The following POU2F2 variants were observed in gnomAD, a reference collection of about 807,000 sequenced individuals.
The protein encoded by POU2F2 is POU domain, class 2, transcription factor 2.
POU2F2 carries 14 observed loss-of-function variants against 63.5 expected under a neutral mutation model. The ratio of observed to expected loss-of-function variants is 0.22; its 90% CI spans 0.15 to 0.34. The LOEUF (loss-of-function observed/expected upper bound fraction) is 0.34, where lower values mean the gene tolerates loss of function less well. Ranked by LOEUF, POU2F2 falls within the 10% of genes least tolerant of loss-of-function variation. The probability of loss-of-function intolerance (pLI) is 1.00; values close to 1 mark genes in which losing one functional copy is unlikely to be tolerated. For synonymous variants in POU2F2, 306 were observed against 348.6 expected (o/e 0.88, Z 1.36); for missense variants, 607 against 815.2 (o/e 0.74, Z 3.11).
intron 1 of POU2F2, among the ~76,000 whole-genome samples, chr19:42,168,329 T>C (rs2034692969): frequency 6.6e-6 from 1 of 152,128 alleles, no homozygotes; most frequent in African/African-American, 2.4e-5. Flanking sequence ...AACTGTTTTG[T>C]GGTTATGTGG....
At chr19:42,149,983 A>G (rs2146769554) in intron 2 of POU2F2, among the ~76,000 whole-genome samples, 1 of 152,284 alleles carries the variant, frequency 6.6e-6, no homozygotes, top group East Asian at 1.9e-4. Context: ...TGGGGGACTG[A>G]GAGCTGAAGT....
chr19:42,139,774 A>C (rs1053569931), intron 2 of POU2F2, among the ~76,000 whole-genome samples: 5 of 152,178 alleles, frequency 3.3e-5, no homozygotes, highest in Non-Finnish European at 7.3e-5. Context: ...GAAAGAAACA[A>C]GAACGGGTGA....
chr19:42,157,222 A>G (rs1161970835), intron 2 of POU2F2: 1 of 152,110 alleles, frequency 6.6e-6, no homozygotes, highest in Non-Finnish European at 1.5e-5. Flanking sequence ...CTTCCCATCC[A>G]CTCGAAATGT....
At chr19:42,143,727 GCTT>G (rs2034175419) in intron 2 of POU2F2, among the ~76,000 whole-genome samples, 1 of 151,920 alleles carries the variant, frequency 6.6e-6, no homozygotes, top group South Asian at 2.1e-4. Flanking sequence ...CCACGCCCGC[GCTT>G]CTTCTTGCCT....
At chr19:42,126,442 C>CAA (rs112862678) in intron 1 of POU2F2, among the ~76,000 whole-genome samples, 5 of 99,744 alleles carry the variant, frequency 5.0e-5, no homozygotes, top group African/African-American at 1.1e-4. Flanking sequence ...GACTCCATCT[C>CAA]AAAAAAAAAA....
At chr19:42,119,363 A>T (rs890590179) in intron 4 of POU2F2, among the ~76,000 whole-genome samples, 3 of 152,176 alleles carry the variant, frequency 2.0e-5, no homozygotes, top group Non-Finnish European at 4.4e-5. Flanking sequence ...AATGTGTATC[A>T]TATTTTAATA....
At chr19:42,114,493 G>C (rs747922065) in intron 5 of POU2F2, among the ~76,000 whole-genome samples, 1 of 152,140 alleles carries the variant, frequency 6.6e-6, no homozygotes. Context: ...CTCAGCCCCA[G>C]TGAAGAGCCC....
At chr19:42,195,047 A>AGGG (rs2035120553) in intron 1 of POU2F2, among the ~76,000 whole-genome samples, 2 of 36,824 alleles carry the variant, frequency 5.4e-5, no homozygotes, top group Non-Finnish European at 1.1e-4. Context: ...GGGAGGGAGG[A>AGGG]AGGAAGGGAG....
At chr19:42,105,999 T>TCTTTC (rs1487918924) in intron 5 of POU2F2, among the ~76,000 whole-genome samples, 1 of 132,224 alleles carries the variant, frequency 7.6e-6, no homozygotes, top group African/African-American at 2.8e-5. Flanking sequence ...GATCTTTCTT[T>TCTTTC]TTTCTTTCTT....
chr19:42,178,727 A>C (rs1180459458), upstream of POU2F2, among the ~76,000 whole-genome samples: 1 of 152,234 alleles, frequency 6.6e-6, no homozygotes, highest in Admixed American at 6.5e-5. Flanking sequence ...AACACAGAGA[A>C]ATATACATAG....
chr19:42,114,907 A>G (rs2031647450), intron 5 of POU2F2, among the ~76,000 whole-genome samples: 1 of 152,214 alleles, frequency 6.6e-6, no homozygotes, highest in Non-Finnish European at 1.5e-5. Flanking sequence ...TGAGAAGCCA[A>G]GGTGGGCAGA....
chr19:42,185,859 G>A (rs2035006893), intron 1 of POU2F2, among the ~76,000 whole-genome samples: 1 of 152,164 alleles, frequency 6.6e-6, no homozygotes, highest in Admixed American at 6.5e-5. Context: ...ACACTATAGT[G>A]TGCTAGGACA....
In POU2F2 at chr19:42,091,609, A is replaced by G. The variant is rs1304764758; in HGVS notation, c.1541-18T>C. 1 of 1,540,294 alleles carries G rather than the reference A, an allele frequency of 6.5e-7. No homozygotes were observed. Among genetic ancestry groups the G allele is most frequent in the Non-Finnish European group, 8.8e-7 (1 of 1,140,044 alleles). On this transcript the variant is annotated intron_variant, in intron 14 of 14. Transcript: ENST00000692977. ...GGCCAGGGCTGGCGGGGAGAGAGAG[A>G]GGCTGGGCTAAGGGCATGCCGGGCC...
intron 5 of POU2F2, among the ~76,000 whole-genome samples, chr19:42,107,537 C>G (rs909312895): frequency 6.6e-6 from 1 of 152,118 alleles, no homozygotes; most frequent in East Asian, 1.9e-4. Flanking sequence ...AGATCTGCAA[C>G]AACTATAAGA....
intron 1 of POU2F2, 34 bp from the exon 2 acceptor site, chr19:42,122,610 G>A (rs753832921): frequency 4.0e-6 from 6 of 1,506,050 alleles, no homozygotes; most frequent in African/African-American, 1.4e-5. Flanking sequence ...GTGGGGTGAA[G>A]GAGGGGAATC....
Position 42,091,429 on chromosome 19 carries a change from C to A in POU2F2, c.1703G>T (p.Gly568Val). The change falls in exon 15 of 15, where the codon GGC (glycine) becomes GTC (valine). Residue 568 changes from glycine (G) to valine (V), a missense_variant. Physicochemically the swap from Gly to Val is moderately radical, Grantham distance 109. Coordinates refer to ENST00000692977, the MANE Select transcript of POU2F2 (RefSeq NM_001394376.1). ...AGCCGCAGCCGCTGCTGAGACCAGG[C>A]CCACACCAGGCGGGGTGCTGAGCAG... ...LPLLSTPPGV[G>V]LVSAAAAAVA... 1 of 1,550,116 alleles carries A rather than the reference C, an allele frequency of 6.5e-7. No individual in the cohort carries two copies. The highest frequency in any genetic ancestry group is 8.7e-7 in the Non-Finnish European group (1 of 1,146,922).
At chr19:42,167,219 C>T (rs2034669756) in intron 1 of POU2F2, among the ~76,000 whole-genome samples, 1 of 152,334 alleles carries the variant, frequency 6.6e-6, no homozygotes, top group Non-Finnish European at 1.5e-5. Context: ...CTTTGGGAGG[C>T]CGTGGCGGGC....
chr19:42,115,312 C>A (rs545884268), intron 5 of POU2F2, among the ~76,000 whole-genome samples: 1 of 152,074 alleles, frequency 6.6e-6, no homozygotes, highest in African/African-American at 2.4e-5. Flanking sequence ...AATAATGGAA[C>A]GGGCCATTAT....
chr19:42,124,836 A>C lies in POU2F2; in HGVS notation c.29-2260T>G, dbSNP rs142341569. On this transcript the variant is annotated intron_variant, in intron 1 of 14. Coordinates refer to ENST00000692977, the MANE Select transcript of POU2F2 (RefSeq NM_001394376.1). ...AAGGCAGACATAATTTATGATTCCAATTACAGGAAATTCAAAAACGGGCAA... is the reference window on the plus strand; with the variant it reads ...AAGGCAGACATAATTTATGATTCCACTTACAGGAAATTCAAAAACGGGCAA... Among the ~76,000 whole-genome samples the C allele has an allele frequency of 1.0e-3, 152 of 152,348 alleles. 1 individual carries two copies. The East Asian group carries it at 0.028, about 28-fold the overall frequency.
Sources: allele counts gnomAD v4.1 joint callset (sites outside exome capture counted in the v4.1 genomes callset), GRCh38; gene constraint gnomAD v4.1.1; transcripts MANE v1.5; gene names NCBI Gene and HGNC (gene_info 2026-07-23, HGNC 2026-07-21).